Variants in RP1 observed in about 807,000 individuals in gnomAD.
RP1 encodes oxygen-regulated protein 1.
A neutral mutation model predicts 14.8 loss-of-function variants in RP1; 16 were observed. The observed-to-expected ratio is 1.08, with a 90% CI of 0.73 to 1.65. RP1 has a LOEUF of 1.65. RP1 is among the 40% of genes most tolerant of loss of function. The pLI is 0.00. For synonymous variants in RP1, 876 were observed against 883.6 expected (o/e 0.99, Z 0.15); for missense variants, 2,631 against 2,535.0 (o/e 1.04, Z -0.81).
At chr8:54,854,972 C>CA (rs1486286266) in intron 26 of RP1, among the ~76,000 whole-genome samples, 1 of 152,128 alleles carries the variant, frequency 6.6e-6, no homozygotes, top group African/African-American at 2.4e-5. Flanking sequence ...GGTTTAAGTA[C>CA]ATTCACATTA....
rs1024500820 is a variant in RP1, at chr8:54,638,618, C to A, written c.788-10367C>A. Among the ~76,000 whole-genome samples, 8 of 152,096 alleles carry A rather than the reference C, an allele frequency of 5.3e-5. No individual in the cohort carries two copies. The East Asian group carries it at 1.5e-3, about 29-fold the overall frequency. Reference sequence around the variant, plus strand: ...CTGCTCCCATACATGTGACCCCTCTCCCCTTCCCAAAAGCTTTTAGGACCA... The same window carrying A: ...CTGCTCCCATACATGTGACCCCTCTACCCTTCCCAAAAGCTTTTAGGACCA... On this transcript the variant is annotated intron_variant, in intron 3 of 22. Coordinates refer to the RP1 transcript ENST00000636932.
chr8:54,656,523 C>A (rs1806758177), intron 6 of RP1, among the ~76,000 whole-genome samples: 1 of 151,768 alleles, frequency 6.6e-6, no homozygotes, highest in Non-Finnish European at 1.5e-5. Flanking sequence ...TCCTCCAGGG[C>A]TAAGAAATGC....
At chr8:54,688,906 A>G (rs1339032869) in intron 12 of RP1, among the ~76,000 whole-genome samples, 1 of 152,140 alleles carries the variant, frequency 6.6e-6, no homozygotes, top group Non-Finnish European at 1.5e-5. Context: ...CTTGGGCAGT[A>G]TGGCCATTTT....
chr8:54,659,273 G>A (rs910894189), intron 6 of RP1, among the ~76,000 whole-genome samples: 1 of 152,068 alleles, frequency 6.6e-6, no homozygotes, highest in African/African-American at 2.4e-5. Flanking sequence ...TGTGATTTTG[G>A]TGTCATATTC....
intron 1 of RP1, among the ~76,000 whole-genome samples, chr8:54,576,889 T>C (rs1343980491): frequency 2.0e-5 from 3 of 152,240 alleles, no homozygotes; most frequent in African/African-American, 7.2e-5. Context: ...TTAAATTTGA[T>C]AGACATTTCT....
chr8:54,697,831 T>C (rs568183347), intron 12 of RP1, among the ~76,000 whole-genome samples: 86 of 152,324 alleles, frequency 5.6e-4, no homozygotes, highest in African/African-American at 2.0e-3. Context: ...GAAAACTGGC[T>C]AGCCATATGT....
At chr8:54,742,736 G>A (rs1809127688) in intron 19 of RP1, among the ~76,000 whole-genome samples, 1 of 152,146 alleles carries the variant, frequency 6.6e-6, no homozygotes, top group African/African-American at 2.4e-5. Flanking sequence ...TGAATTACTG[G>A]GAAAGGTGAG....
chr8:54,780,630 CA>C (rs1281336152), intron 23 of RP1, among the ~76,000 whole-genome samples: 1 of 152,112 alleles, frequency 6.6e-6, no homozygotes, highest in East Asian at 1.9e-4. Flanking sequence ...GTTACCTAAA[CA>C]ATACATTCTA....
chr8:54,753,529 G>A (rs1222063094), intron 19 of RP1, among the ~76,000 whole-genome samples: 6 of 152,206 alleles, frequency 3.9e-5, no homozygotes, highest in Admixed American at 1.3e-4. Context: ...ACGGTAATGA[G>A]TCAGGATGAA....
At chr8:54,731,787 GA>G (rs554714895) in intron 17 of RP1, among the ~76,000 whole-genome samples, 1 of 151,926 alleles carries the variant, frequency 6.6e-6, no homozygotes, top group Non-Finnish European at 1.5e-5. Flanking sequence ...CACGGACATG[GA>G]AAAAAAATTC....
chr8:54,729,222 T>C (rs1276867014), intron 17 of RP1, among the ~76,000 whole-genome samples: 1 of 152,196 alleles, frequency 6.6e-6, no homozygotes, highest in African/African-American at 2.4e-5. Flanking sequence ...AGATGAATGT[T>C]ATGCAGGTCT....
Position 54,573,324 on chromosome 8 carries a change from G to A in RP1, c.-13+14004G>A, listed in dbSNP as rs146220139. Among the ~76,000 whole-genome samples, 6 of 152,280 alleles carry A rather than the reference G, an allele frequency of 3.9e-5. No individual in the cohort carries two copies. The East Asian group carries it at 5.8e-4, about 15-fold the overall frequency. On this transcript the variant is annotated intron_variant, in intron 1 of 22. Coordinates refer to the RP1 transcript ENST00000636932. ...GTCTGCTAATGGCACTGTGTCAGCC[G>A]TGTGGCATTCAGTTTTAAGGACGCG...
chr8:54,739,610 T>G (rs1404251585), intron 19 of RP1, among the ~76,000 whole-genome samples: 1 of 152,170 alleles, frequency 6.6e-6, no homozygotes, highest in Admixed American at 6.5e-5. Flanking sequence ...GATCATTAGA[T>G]GACCACTCGG....
intron 1 of RP1, among the ~76,000 whole-genome samples, chr8:54,568,056 T>G (rs1804443993): frequency 6.6e-6 from 1 of 152,336 alleles, no homozygotes; most frequent in South Asian, 2.1e-4. Context: ...TCTGCTGTGA[T>G]TGGCTACCAT....
chr8:54,808,874 C>T (rs1462858289), intron 24 of RP1, among the ~76,000 whole-genome samples: 1 of 152,168 alleles, frequency 6.6e-6, no homozygotes, highest in Non-Finnish European at 1.5e-5. Context: ...CTACCTAGAT[C>T]AGCTTCACAG....
chr8:54,674,607 A>G (rs905486887), intron 8 of RP1, among the ~76,000 whole-genome samples: 3 of 152,056 alleles, frequency 2.0e-5, no homozygotes, highest in Non-Finnish European at 4.4e-5. Context: ...CAAACTAAGA[A>G]CAAGATTGTT....
In RP1 at chr8:54,625,874, T is replaced by G. The variant is rs775372859; in HGVS notation, c.1992T>G (p.Ile664Met). Reference sequence around the variant, plus strand: ...AACTTCCAAAAAATGAAAAGAAGATTTTGTCATCTGTTGCCAGCAAAAAGA... The same window carrying G: ...AACTTCCAAAAAATGAAAAGAAGATGTTGTCATCTGTTGCCAGCAAAAAGA... ...LTKLPKNEKK[I>M]LSSVASKKKK... The change falls in exon 4 of 4, where the codon ATT (isoleucine) becomes ATG (methionine). Residue 664 changes from isoleucine (I) to methionine (M), a missense_variant. By Grantham distance (10) the Ile-to-Met change is conservative (BLOSUM62 1). Coordinates refer to ENST00000220676, the MANE Select transcript of RP1 (RefSeq NM_006269.2). 1.2e-6 allele frequency: 2 copies of G among 1,613,734 alleles called. No homozygotes were observed. The highest frequency in any genetic ancestry group is 1.7e-6 in the Non-Finnish European group (2 of 1,179,958).
intron 1 of RP1, among the ~76,000 whole-genome samples, chr8:54,578,159 A>T (rs1302103359): frequency 6.6e-6 from 1 of 152,040 alleles, no homozygotes; most frequent in Non-Finnish European, 1.5e-5. Flanking sequence ...TTTTCTAATT[A>T]TAGAGCGAGA....
chr8:54,737,476 G>A (rs1235509814), intron 18 of RP1, among the ~76,000 whole-genome samples: 1 of 152,204 alleles, frequency 6.6e-6, no homozygotes, highest in Non-Finnish European at 1.5e-5. Flanking sequence ...GATATTTAAA[G>A]TGTGGTTTAC....
Sources: allele counts gnomAD v4.1 joint callset (sites outside exome capture counted in the v4.1 genomes callset), GRCh38; gene constraint gnomAD v4.1.1; transcripts MANE v1.5; gene names NCBI Gene and HGNC (gene_info 2026-07-23, HGNC 2026-07-21).